KCNMA1: variants seen among roughly 807,000 people sequenced by gnomAD.
The protein encoded by KCNMA1 is potassium calcium-activated channel subfamily M alpha 1, also known as Calcium-activated potassium channel subunit alpha-1.
KCNMA1 carries 29 observed loss-of-function variants against 140.0 expected under a neutral mutation model. That is an observed-to-expected ratio of 0.21 (90% CI 0.15 to 0.28). The LOEUF is 0.28. KCNMA1 is among the 10% of genes least tolerant of loss of function. KCNMA1 has a pLI of 1.00. For missense variants in KCNMA1, 880 were observed against 1,602.2 expected (o/e 0.55, Z 7.70); for synonymous variants, 612 against 611.9 (o/e 1.00, Z 0.00).
At chr10:77,476,027 T>A (rs1403887944) in intron 1 of KCNMA1, among the ~76,000 whole-genome samples, 1 of 152,118 alleles carries the variant, frequency 6.6e-6, no homozygotes, top group African/African-American at 2.4e-5. Flanking sequence ...CTGTATTGGG[T>A]TGCAGAAAGA....
intron 20 of KCNMA1, among the ~76,000 whole-genome samples, chr10:76,965,594 A>T (rs2073588329): frequency 6.6e-6 from 1 of 152,160 alleles, no homozygotes; most frequent in African/African-American, 2.4e-5. Flanking sequence ...TCTCCACTCC[A>T]TCTAGGCCAC....
intron 1 of KCNMA1, among the ~76,000 whole-genome samples, chr10:77,467,848 G>A (rs1157848846): frequency 6.6e-6 from 1 of 152,206 alleles, no homozygotes; most frequent in Non-Finnish European, 1.5e-5. Flanking sequence ...TGTATTCATG[G>A]AAGGAAAAAA....
chr10:77,575,871 G>C (rs2073904366), intron 1 of KCNMA1, among the ~76,000 whole-genome samples: 1 of 152,244 alleles, frequency 6.6e-6, no homozygotes, highest in African/African-American at 2.4e-5. Flanking sequence ...CCCACCCCCA[G>C]AGGGGAGTCC....
At chr10:77,019,204 T>G in intron 16 of KCNMA1, 105 bp from the exon 17 acceptor site, 1 of 713,558 alleles carries the variant, frequency 1.4e-6, no homozygotes, top group Non-Finnish European at 2.5e-6. Context: ...GGGGGCCCAC[T>G]AGTCTAAAGC....
At chr10:76,972,302 G>A (rs995212359) in intron 19 of KCNMA1, among the ~76,000 whole-genome samples, 5 of 152,132 alleles carry the variant, frequency 3.3e-5, no homozygotes, top group South Asian at 2.1e-4. Context: ...AGTCTACCAC[G>A]GCTAGCATTT....
At chr10:77,047,685 T>A (rs990999377) in intron 14 of KCNMA1, among the ~76,000 whole-genome samples, 2 of 152,116 alleles carry the variant, frequency 1.3e-5, no homozygotes, top group African/African-American at 4.8e-5. Flanking sequence ...GAGCCTTTTT[T>A]AAAGATTGGC....
At chr10:76,884,017 G>T, downstream of KCNMA1, 1 of 981,172 alleles carries the variant, frequency 1.0e-6, no homozygotes, top group Non-Finnish European at 1.2e-6. Flanking sequence ...TGTGCCCAAA[G>T]TCCAGGAAAA....
In KCNMA1 at chr10:77,072,493, C is replaced by G. The variant is rs190665911; in HGVS notation, c.1749+604G>C. Among the ~76,000 whole-genome samples the G allele has an allele frequency of 1.7e-3, 256 of 150,760 alleles. 1 individual carries two copies. The highest frequency in any genetic ancestry group is 0.01 in the Middle Eastern group (3 of 294). On this transcript the variant is annotated intron_variant, in intron 14 of 27. Transcript: ENST00000286628. ...ACCTTGGGGACTCTGGAGTGTCTGT[C>G]CAGCCAGCTCTGACAAGGACATGAA...
Position 76,886,648 on chromosome 10 carries a change from A to C in KCNMA1, c.*618T>G, listed in dbSNP as rs989424923. ...AAAGGCCTTGGTGAGTAACTAAAAA[A>C]ATCACTGATGTTCTCTTGCAACAAG... is the stretch of plus-strand genomic sequence containing the variant. On this transcript the variant is annotated 3_prime_UTR_variant, in exon 28 of 28. Coordinates refer to ENST00000286628, the MANE Select transcript of KCNMA1 (RefSeq NM_001161352.2). The C allele has an allele frequency of 1.0e-6, 1 of 991,432 alleles. No homozygotes were observed. Among genetic ancestry groups the C allele is most frequent in the Non-Finnish European group, 1.2e-6 (1 of 833,556 alleles). 61.4% of individuals were successfully genotyped at this position (991,432 alleles called of 1,614,324 possible).
At chr10:77,493,564 C>A (rs1442975867) in intron 1 of KCNMA1, among the ~76,000 whole-genome samples, 2 of 152,196 alleles carry the variant, frequency 1.3e-5, no homozygotes. Context: ...AGGCACTGGG[C>A]AGATTTGCAA....
chr10:77,593,699 G>A (rs1017409971), intron 1 of KCNMA1, among the ~76,000 whole-genome samples: 1 of 152,198 alleles, frequency 6.6e-6, no homozygotes, highest in Non-Finnish European at 1.5e-5. Flanking sequence ...ATTCAATTAG[G>A]AGTGACGGTG....
intron 1 of KCNMA1, among the ~76,000 whole-genome samples, chr10:77,413,019 G>T (rs539198619): frequency 1.3e-5 from 2 of 151,810 alleles, no homozygotes; most frequent in African/African-American, 4.8e-5. Context: ...CATCATACCC[G>T]GCTAATTTTT....
chr10:77,487,073 G>A (rs1035378829), intron 1 of KCNMA1, among the ~76,000 whole-genome samples: 18 of 152,150 alleles, frequency 1.2e-4, no homozygotes, highest in African/African-American at 4.1e-4. Context: ...CTCAGTCAGC[G>A]ATGTTGATGG....
chr10:77,441,724 G>A (rs2097404320), intron 1 of KCNMA1, among the ~76,000 whole-genome samples: 1 of 152,108 alleles, frequency 6.6e-6, no homozygotes. Context: ...CTGCGACCCT[G>A]CAGACTCACC....
chr10:77,567,784 TTA>T (rs199743098), intron 1 of KCNMA1, among the ~76,000 whole-genome samples: 2 of 149,554 alleles, frequency 1.3e-5, no homozygotes. Context: ...AAACTGTAAA[TTA>T]TTTTTTTTAA....
At chr10:77,602,020 G>A (rs939219007) in intron 1 of KCNMA1, among the ~76,000 whole-genome samples, 5 of 152,130 alleles carry the variant, frequency 3.3e-5, no homozygotes, top group Admixed American at 6.5e-5. Context: ...ATTCTAAATG[G>A]CACTGAGAAT....
intron 1 of KCNMA1, chr10:77,587,962 C>T: frequency 1.7e-6 from 1 of 579,540 alleles, no homozygotes; most frequent in Non-Finnish European, 2.2e-6. Flanking sequence ...AGAAATAATA[C>T]TGCAAAGCAC....
At chr10:77,421,669 C>T (rs2096869633) in intron 1 of KCNMA1, among the ~76,000 whole-genome samples, 1 of 152,112 alleles carries the variant, frequency 6.6e-6, no homozygotes. Context: ...AATTTTTGTT[C>T]AACTATTTAA....
At chr10:77,206,347 T>C (rs1341800541) in intron 3 of KCNMA1, among the ~76,000 whole-genome samples, 1 of 152,206 alleles carries the variant, frequency 6.6e-6, no homozygotes, top group Non-Finnish European at 1.5e-5. Context: ...TGTTTTTCTA[T>C]TTAGTAGATA....
Sources: allele counts gnomAD v4.1 joint callset (sites outside exome capture counted in the v4.1 genomes callset), GRCh38; gene constraint gnomAD v4.1.1; transcripts MANE v1.5; gene names NCBI Gene and HGNC (gene_info 2026-07-23, HGNC 2026-07-21).